PDE12: variants seen among roughly 807,000 people sequenced by gnomAD.
PDE12 encodes phosphodiesterase 12.
A neutral mutation model predicts 45.4 loss-of-function variants in PDE12; 26 were observed. The observed-to-expected ratio is 0.57, with a 90% CI of 0.42 to 0.79. The LOEUF (loss-of-function observed/expected upper bound fraction) is 0.79, where lower values mean the gene tolerates loss of function less well. Among genes scored for constraint, PDE12 ranks in the 30% least tolerant of loss-of-function variants. The pLI is 0.00. For synonymous variants in PDE12, 283 were observed against 323.9 expected, an observed-to-expected ratio of 0.87 and a Z score of 1.36; for missense variants, 668 against 790.0, an observed-to-expected ratio of 0.85 and a Z score of 1.85.
At chr3:57,610,329 CG>C in the PDE12 span, among the ~76,000 whole-genome samples, 1 of 152,074 alleles carries the variant, frequency 6.6e-6, no homozygotes, top group South Asian at 2.1e-4. Context: ...TGGCACAAGA[CG>C]GGGATGCCCT....
the PDE12 span, chr3:57,598,013 C>G: frequency 1.3e-5 from 2 of 152,292 alleles, no homozygotes; most frequent in Admixed American, 6.5e-5. Flanking sequence ...CGAGAGCGCT[C>G]CAACACGTGT....
At chr3:57,571,998 T>C in the PDE12 span, 1 of 478,822 alleles carries the variant, frequency 2.1e-6, no homozygotes, top group Non-Finnish European at 3.7e-6. Flanking sequence ...TAAAAGAGGA[T>C]ACTTTTTTCC....
chr3:57,612,268 C>A, the PDE12 span, among the ~76,000 whole-genome samples: 2 of 150,604 alleles, frequency 1.3e-5, no homozygotes, highest in East Asian at 3.9e-4. Flanking sequence ...GGAGGGATAG[C>A]ATTAGGAGAT....
chr3:57,646,483 C>A, the PDE12 span: 9 of 1,553,316 alleles, frequency 5.8e-6, no homozygotes, highest in African/African-American at 2.8e-5. Flanking sequence ...TGTAGCCAAT[C>A]CTGTTTTTAA....
chr3:57,610,384 G>C, the PDE12 span, among the ~76,000 whole-genome samples: 5 of 152,096 alleles, frequency 3.3e-5, no homozygotes, highest in African/African-American at 4.8e-5. Context: ...GTTCTGGCCA[G>C]GGCAATCAGG....
At chr3:57,595,153 A>G in the PDE12 span, among the ~76,000 whole-genome samples, 6 of 152,188 alleles carry the variant, frequency 3.9e-5, no homozygotes, top group Admixed American at 6.6e-5. Context: ...GCCTCCCAAT[A>G]TAGTAAATAT....
the PDE12 span, chr3:57,625,468 AG>A: frequency 6.6e-6 from 1 of 152,634 alleles, no homozygotes; most frequent in African/African-American, 2.4e-5. Context: ...TTAAAATCCA[AG>A]GCCTTTAATT....
chr3:57,593,318 A>G, the PDE12 span, among the ~76,000 whole-genome samples: 1 of 152,250 alleles, frequency 6.6e-6, no homozygotes, highest in Non-Finnish European at 1.5e-5. Flanking sequence ...ATGTAACAGA[A>G]GGAACACATA....
chr3:57,611,013 G>C, the PDE12 span, among the ~76,000 whole-genome samples: 1 of 152,070 alleles, frequency 6.6e-6, no homozygotes, highest in Admixed American at 6.6e-5. Context: ...AACCAAAACA[G>C]CATGGTACTG....
At chr3:57,603,298 C>T in the PDE12 span, among the ~76,000 whole-genome samples, 1 of 152,156 alleles carries the variant, frequency 6.6e-6, no homozygotes, top group Admixed American at 6.5e-5. Flanking sequence ...GCCCAAATCT[C>T]CATCCTTCCT....
the PDE12 span, among the ~76,000 whole-genome samples, chr3:57,603,221 TC>T: frequency 6.6e-6 from 1 of 152,158 alleles, no homozygotes; most frequent in African/African-American, 2.4e-5. Context: ...AAGCTAAATA[TC>T]CAAGACTATT....
the PDE12 span, among the ~76,000 whole-genome samples, chr3:57,576,312 G>T: frequency 6.6e-6 from 1 of 152,104 alleles, no homozygotes; most frequent in Non-Finnish European, 1.5e-5. Context: ...GGCTGTCAGA[G>T]GCTGGGAGTG....
At chr3:57,634,890 A>G in the PDE12 span, 342 of 776,510 alleles carry the variant, frequency 4.4e-4, 2 homozygotes, top group South Asian at 7.3e-3. Context: ...AGGATTCTTA[A>G]CATCTATTAA....
Position 57,563,171 on chromosome 3 carries a change from T to C in PDE12, c.*3167T>C, listed in dbSNP as rs541601113. On this transcript the variant is annotated 3_prime_UTR_variant, in exon 3 of 3. Coordinates refer to ENST00000311180, the MANE Select transcript of PDE12 (RefSeq NM_177966.7). ...GACCCATGTGACAACTCAGAAAATA[T>C]TCTCAGCATAATTTTTTTAAGAGAT... The C allele has an allele frequency of 6.6e-6, 1 of 152,222 alleles. No individual in the cohort carries two copies. Among genetic ancestry groups the C allele is most frequent in the African/African-American group, 2.4e-5 (1 of 41,540 alleles). The allele number at this position is 152,222 out of a possible 1,614,324, so 9.4% of individuals were successfully genotyped here.
the PDE12 span, among the ~76,000 whole-genome samples, chr3:57,603,630 T>C: frequency 6.6e-6 from 1 of 151,452 alleles, no homozygotes; most frequent in South Asian, 2.1e-4. Flanking sequence ...AATTTTTTTT[T>C]TTTTTTTTTG....
chr3:57,603,621 ATTT>A, the PDE12 span, among the ~76,000 whole-genome samples: 1 of 125,298 alleles, frequency 8.0e-6, no homozygotes, highest in Non-Finnish European at 1.7e-5. Flanking sequence ...CCGGCCAGAA[ATTT>A]TTTTTTTTTT....
At chr3:57,593,190 G>A in the PDE12 span, among the ~76,000 whole-genome samples, 4 of 152,078 alleles carry the variant, frequency 2.6e-5, no homozygotes, top group Non-Finnish European at 5.9e-5. Context: ...GAGTATGGGT[G>A]ACAGAGCAAA....
chr3:57,608,832 G>C, the PDE12 span, among the ~76,000 whole-genome samples: 74 of 152,258 alleles, frequency 4.9e-4, no homozygotes, highest in Non-Finnish European at 7.2e-4. Context: ...AGATCAATGA[G>C]ACAGGAAGTT....
At chr3:57,613,468 A>G in the PDE12 span, among the ~76,000 whole-genome samples, 101 of 149,516 alleles carry the variant, frequency 6.8e-4, 1 homozygote, top group African/African-American at 2.2e-3. Flanking sequence ...TAATTTTTGT[A>G]TTTTTCGTAG....
Sources: gnomAD v4.1 joint callset for allele counts (sites outside exome capture counted in the v4.1 genomes callset) on GRCh38, gnomAD v4.1.1 for gene constraint, MANE v1.5 for transcripts, NCBI Gene and HGNC (gene_info 2026-07-23, HGNC 2026-07-21) for gene names.